The following MAGI2 variants were observed in gnomAD, a reference collection of about 807,000 sequenced individuals.
MAGI2 encodes the protein membrane associated guanylate kinase, WW and PDZ domain containing 2, also known as membrane-associated guanylate kinase, WW and PDZ domain-containing protein 2.
MAGI2 carries 35 observed loss-of-function variants against 133.3 expected under a neutral mutation model. That is an observed-to-expected ratio of 0.26 (90% CI 0.20 to 0.35). The LOEUF is 0.35. MAGI2 is among the 10% of genes least tolerant of loss of function. MAGI2 has a pLI of 1.00. For synonymous variants in MAGI2, 729 were observed against 710.6 expected, an observed-to-expected ratio of 1.03 and a Z score of -0.41; for missense variants, 1,636 against 1,863.4, an observed-to-expected ratio of 0.88 and a Z score of 2.25.
chr7:78,863,154 A>T (rs1435034875), intron 2 of MAGI2, among the ~76,000 whole-genome samples: 2 of 152,258 alleles, frequency 1.3e-5, no homozygotes, highest in African/African-American at 4.8e-5. Context: ...AACTTTGGAT[A>T]AAAAAGACAT....
chr7:78,301,373 A>T (rs1797807384), intron 9 of MAGI2, among the ~76,000 whole-genome samples: 1 of 152,240 alleles, frequency 6.6e-6, no homozygotes, highest in African/African-American at 2.4e-5. Flanking sequence ...TCTCTGACAC[A>T]AACGCTCTTA....
intron 2 of MAGI2, among the ~76,000 whole-genome samples, chr7:78,841,983 C>G (rs1183683230): frequency 6.6e-6 from 1 of 151,912 alleles, no homozygotes; most frequent in Non-Finnish European, 1.5e-5. Flanking sequence ...AGAGTCCAAA[C>G]TATCAGTACA....
At chr7:78,947,915 A>G (rs1439729013) in intron 2 of MAGI2, among the ~76,000 whole-genome samples, 1 of 152,164 alleles carries the variant, frequency 6.6e-6, no homozygotes, top group Non-Finnish European at 1.5e-5. Context: ...TTTGTCACCA[A>G]TGATGATATT....
At chr7:78,678,975 G>A (rs1187684993) in intron 2 of MAGI2, among the ~76,000 whole-genome samples, 1 of 152,074 alleles carries the variant, frequency 6.6e-6, no homozygotes, top group East Asian at 1.9e-4. Context: ...CAATTTATCT[G>A]ACCCAATGAT....
chr7:78,988,078 A>G (rs900443772), intron 2 of MAGI2, among the ~76,000 whole-genome samples: 2 of 152,080 alleles, frequency 1.3e-5, no homozygotes, highest in African/African-American at 2.4e-5. Context: ...TGTAAATTCA[A>G]CGTGGGCCAG....
intron 9 of MAGI2, among the ~76,000 whole-genome samples, chr7:78,338,668 C>T (rs552819784): frequency 6.6e-6 from 1 of 152,100 alleles, no homozygotes; most frequent in African/African-American, 2.4e-5. Flanking sequence ...TGGGATGTTG[C>T]AGAAATGTGT....
chr7:78,682,177 A>T (rs1467593018), intron 2 of MAGI2, among the ~76,000 whole-genome samples: 8 of 152,178 alleles, frequency 5.3e-5, no homozygotes, highest in Admixed American at 3.3e-4. Flanking sequence ...TGGAGTCAAG[A>T]TATACACAAA....
At position 79,186,236 on chromosome 7, in the gene MAGI2, A is replaced by G. The variant is rs1051885845; in HGVS notation, c.302-179030T>C. On this transcript the variant is annotated intron_variant, in intron 1 of 21. Coordinates refer to ENST00000354212, the MANE Select transcript of MAGI2 (RefSeq NM_012301.4). Reference sequence around the variant, plus strand: ...TATATATATATATATATATATATATATATATATTTATATTTATTTATTTAT... The same window carrying G: ...TATATATATATATATATATATATATGTATATATTTATATTTATTTATTTAT... Among the ~76,000 whole-genome samples, 6 of 122,580 alleles carry G rather than the reference A, an allele frequency of 4.9e-5. No individual in the cohort carries two copies. The Admixed American group carries it at 5.0e-4, about 10-fold the overall frequency. 80.4% of individuals were successfully genotyped at this position (122,580 alleles called of 152,430 possible).
At chr7:78,487,598 A>C (rs1397250507) in intron 6 of MAGI2, among the ~76,000 whole-genome samples, 4 of 152,056 alleles carry the variant, frequency 2.6e-5, no homozygotes, top group Non-Finnish European at 5.9e-5. Context: ...GCCAACCTGC[A>C]CTAGGATGTT....
At chr7:79,274,825 C>T (rs1326802987) in intron 1 of MAGI2, among the ~76,000 whole-genome samples, 3 of 152,096 alleles carry the variant, frequency 2.0e-5, no homozygotes, top group Admixed American at 2.0e-4. Context: ...CACAATATTT[C>T]AAACTTTTTT....
intron 2 of MAGI2, among the ~76,000 whole-genome samples, chr7:78,645,737 C>CT (rs541719231): frequency 0.033 from 4,638 of 138,984 alleles, 204 homozygotes; most frequent in African/African-American, 0.1. Flanking sequence ...AATAGCAAAA[C>CT]TTTTTTTTTT....
At chr7:78,336,767 CAAG>C (rs1210572349) in intron 9 of MAGI2, among the ~76,000 whole-genome samples, 6 of 147,778 alleles carry the variant, frequency 4.1e-5, no homozygotes, top group African/African-American at 1.5e-4. Flanking sequence ...AAGAAAGAAG[CAAG>C]AAGAAGAAGA....
chr7:78,757,495 T>A (rs1437989022), intron 2 of MAGI2, among the ~76,000 whole-genome samples: 1 of 152,186 alleles, frequency 6.6e-6, no homozygotes, highest in Non-Finnish European at 1.5e-5. Flanking sequence ...AACAAAAAAA[T>A]AAAGCAAAAT....
chr7:78,531,627 T>C (rs888497047), intron 3 of MAGI2, among the ~76,000 whole-genome samples: 2 of 152,216 alleles, frequency 1.3e-5, no homozygotes, highest in African/African-American at 4.8e-5. Context: ...TGGGCATTTG[T>C]ACAAAGCTCA....
intron 1 of MAGI2, among the ~76,000 whole-genome samples, chr7:79,137,742 C>G (rs896800950): frequency 7.9e-5 from 12 of 152,036 alleles, no homozygotes; most frequent in Non-Finnish European, 8.8e-5. Flanking sequence ...GGATTACGGG[C>G]ATAAGCCACC....
chr7:78,958,676 T>C (rs1221606668), intron 2 of MAGI2, among the ~76,000 whole-genome samples: 2 of 152,060 alleles, frequency 1.3e-5, no homozygotes, highest in Non-Finnish European at 2.9e-5. Context: ...AGTGGAAAAA[T>C]GGTGAAGTGC....
intron 2 of MAGI2, among the ~76,000 whole-genome samples, chr7:79,002,134 CTTTT>C (rs11301382): frequency 1.5e-5 from 2 of 135,228 alleles, no homozygotes; most frequent in Non-Finnish European, 1.6e-5. Context: ...TCTTCTTCTT[CTTTT>C]TTTTTTTTTT....
At chr7:78,397,899 A>G (rs1487903118) in intron 6 of MAGI2, among the ~76,000 whole-genome samples, 1 of 152,310 alleles carries the variant, frequency 6.6e-6, no homozygotes, top group East Asian at 1.9e-4. Flanking sequence ...GTCCTCTTTT[A>G]TTTCTAATTT....
At chr7:78,586,529 T>C (rs1033979482) in intron 3 of MAGI2, among the ~76,000 whole-genome samples, 9 of 152,358 alleles carry the variant, frequency 5.9e-5, no homozygotes, top group East Asian at 1.9e-4. Context: ...CAATCTGTTA[T>C]GTTCTTCTCT....
Sources: gnomAD v4.1 joint callset for allele counts (sites outside exome capture counted in the v4.1 genomes callset) on GRCh38, gnomAD v4.1.1 for gene constraint, MANE v1.5 for transcripts, NCBI Gene and HGNC (gene_info 2026-07-23, HGNC 2026-07-21) for gene names.